Variants in GULP1 observed in about 807,000 individuals in gnomAD.
GULP1 encodes the protein GULP PTB domain containing engulfment adaptor 1, also known as PTB domain-containing engulfment adapter protein 1.
A neutral mutation model predicts 40.9 loss-of-function variants in GULP1; 19 were observed. The ratio of observed to expected loss-of-function variants is 0.46; its 90% CI spans 0.32 to 0.68. The LOEUF (loss-of-function observed/expected upper bound fraction) is 0.68. Ranked by LOEUF, GULP1 falls within the 30% of genes least tolerant of loss-of-function variation. GULP1 has a pLI of 0.03. For synonymous variants in GULP1, 119 were observed against 117.6 expected (o/e 1.01, Z -0.08); for missense variants, 312 against 362.2 (o/e 0.86, Z 1.12).
At chr2:188,410,952 G>A (rs1352491004) in intron 2 of GULP1, among the ~76,000 whole-genome samples, 1 of 152,154 alleles carries the variant, frequency 6.6e-6, no homozygotes, top group Non-Finnish European at 1.5e-5. Flanking sequence ...AGGGAGTTTA[G>A]CTAAATAGCT....
Position 188,541,336 on chromosome 2 carries a change from T to C in GULP1, c.399+18T>C. ...AAAAGTGTGTAAGTATCCCAGATGT[T>C]GTAGGGTGGTTTGTTCTGTTTTATA... On this transcript the variant is annotated intron_variant, in intron 7 of 11. Transcript: ENST00000409830. The C allele has an allele frequency of 1.9e-6, 3 of 1,609,096 alleles. No homozygotes were observed. Among genetic ancestry groups the C allele is most frequent in the Non-Finnish European group, 1.7e-6 (2 of 1,175,478 alleles).
Position 188,307,172 on chromosome 2 carries a change from A to G in GULP1, c.-172+15006A>G, listed in dbSNP as rs2037234844. Among the ~76,000 whole-genome samples, 3 of 152,284 alleles carry G rather than the reference A, an allele frequency of 2.0e-5. No homozygotes were observed. The East Asian group carries it at 5.8e-4, about 29-fold the overall frequency. On this transcript the variant is annotated intron_variant, in intron 1 of 11. Coordinates refer to ENST00000409830, the MANE Select transcript of GULP1 (RefSeq NM_016315.4). ...TATGATTCTTGGATTTTTATGTTTA[A>G]ATTTTACAGTATAATTATATGCTGT...
chr2:188,580,328 C>T (rs560003546), intron 9 of GULP1, among the ~76,000 whole-genome samples: 5 of 151,902 alleles, frequency 3.3e-5, no homozygotes, highest in Admixed American at 6.6e-5. Context: ...CCGAGGCGGG[C>T]GGATCACGAG....
chr2:188,320,225 C>T (rs2039767892), intron 1 of GULP1, among the ~76,000 whole-genome samples: 1 of 152,122 alleles, frequency 6.6e-6, no homozygotes, highest in South Asian at 2.1e-4. Flanking sequence ...TTATTAGCAT[C>T]TCTAAACTCA....
rs1300355403 is a variant in GULP1 at position 188,292,932 on chromosome 2, A to G, written c.-172+766A>G. 2 of 152,506 alleles carry G rather than the reference A, an allele frequency of 1.3e-5. No homozygotes were observed. Among genetic ancestry groups the G allele is most frequent in the East Asian group, 3.9e-4 (2 of 5,176 alleles). The allele number at this position is 152,506 out of a possible 1,614,324, so 9.4% of individuals were successfully genotyped here. The stretch of plus-strand genomic sequence containing the variant: ...CCACCTTCTCGTGGCCTCACTCGCC[A>G]CACGGATCAGAATCCGGAGCAGGCA... On this transcript the variant is annotated intron_variant, in intron 1 of 11. Coordinates refer to ENST00000409830, the MANE Select transcript of GULP1 (RefSeq NM_016315.4). The surrounding 1 kb of genome is among the most constrained non-coding windows in gnomAD (Gnocchi z 4.0).
intron 1 of GULP1, among the ~76,000 whole-genome samples, chr2:188,300,210 C>G (rs1395950097): frequency 1.3e-5 from 2 of 152,054 alleles, no homozygotes; most frequent in Non-Finnish European, 2.9e-5. Context: ...TTTTTAATCA[C>G]AGCATTAACT....
rs574527871 is a variant in GULP1 at position 188,336,470 on chromosome 2, C to G, written c.-172+44304C>G. Among the ~76,000 whole-genome samples the G allele has an allele frequency of 5.9e-5, 9 of 152,276 alleles. No homozygotes were observed. The South Asian group carries it at 1.9e-3, about 32-fold the overall frequency. On this transcript the variant is annotated intron_variant, in intron 1 of 11. Coordinates refer to ENST00000409830, the MANE Select transcript of GULP1 (RefSeq NM_016315.4). The stretch of plus-strand genomic sequence containing the variant: ...AAGATACAGCATCAAAAAGGACAGA[C>G]AAGATCCCTAATCTCACAGAGCTTT...
intron 2 of GULP1, among the ~76,000 whole-genome samples, chr2:188,429,547 A>G (rs990555459): frequency 1.3e-5 from 2 of 152,160 alleles, no homozygotes; most frequent in African/African-American, 4.8e-5. Context: ...CAGATGAGTT[A>G]GGAGTTAGGT....
At chr2:188,423,552 C>T (rs538150072) in intron 2 of GULP1, among the ~76,000 whole-genome samples, 1 of 151,586 alleles carries the variant, frequency 6.6e-6, no homozygotes, top group Non-Finnish European at 1.5e-5. Context: ...TCTTTTAAAA[C>T]GTACTCTTAG....
At chr2:188,567,162 A>G (rs1437748748) in intron 7 of GULP1, among the ~76,000 whole-genome samples, 1 of 152,154 alleles carries the variant, frequency 6.6e-6, no homozygotes, top group African/African-American at 2.4e-5. Context: ...GAGAAATATA[A>G]ATGTTTTTAC....
chr2:188,327,761 A>G (rs1005171161), intron 1 of GULP1, among the ~76,000 whole-genome samples: 16 of 152,084 alleles, frequency 1.1e-4, no homozygotes, highest in African/African-American at 3.6e-4. Flanking sequence ...GGATACATTT[A>G]TTTTGCACTT....
chr2:188,423,433 A>C (rs183750460), intron 2 of GULP1, among the ~76,000 whole-genome samples: 137 of 152,056 alleles, frequency 9.0e-4, no homozygotes, highest in Admixed American at 1.4e-3. Flanking sequence ...TCTTTTTGCT[A>C]CACAGTGCTG....
chr2:188,442,439 G>T (rs928971902), intron 2 of GULP1, among the ~76,000 whole-genome samples: 1 of 152,136 alleles, frequency 6.6e-6, no homozygotes, highest in Non-Finnish European at 1.5e-5. Context: ...TAACCAATTT[G>T]CTCTGTGAAT....
intron 6 of GULP1, among the ~76,000 whole-genome samples, chr2:188,533,201 T>G (rs150437102): frequency 6.6e-6 from 1 of 152,126 alleles, no homozygotes; most frequent in Non-Finnish European, 1.5e-5. Context: ...AAACTTTTTT[T>G]AAAAAATAGC....
intron 2 of GULP1, among the ~76,000 whole-genome samples, chr2:188,442,069 T>C (rs1412303606): frequency 1.3e-5 from 2 of 152,220 alleles, no homozygotes; most frequent in Non-Finnish European, 2.9e-5. Context: ...ATTATTCTTC[T>C]AACAATAATT....
intron 9 of GULP1, among the ~76,000 whole-genome samples, chr2:188,580,675 C>T (rs1304687756): frequency 2.0e-5 from 3 of 151,982 alleles, no homozygotes; most frequent in South Asian, 4.2e-4. Context: ...ACACTGAACC[C>T]TTCCCTCAAT....
At chr2:188,555,985 G>T (rs1694640537) in intron 7 of GULP1, among the ~76,000 whole-genome samples, 1 of 151,534 alleles carries the variant, frequency 6.6e-6, no homozygotes, top group Non-Finnish European at 1.5e-5. Context: ...TTGAACCCGG[G>T]AGACAGAGGT....
At chr2:188,387,064 C>A (rs949308282) in intron 2 of GULP1, among the ~76,000 whole-genome samples, 2 of 151,832 alleles carry the variant, frequency 1.3e-5, no homozygotes, top group African/African-American at 4.8e-5. Flanking sequence ...GATGAAACCC[C>A]GTCTCTACTA....
At chr2:188,500,726 G>T (rs1415033295) in intron 4 of GULP1, among the ~76,000 whole-genome samples, 1 of 151,800 alleles carries the variant, frequency 6.6e-6, no homozygotes, top group Non-Finnish European at 1.5e-5. Context: ...AACAAAACTT[G>T]GAGTCAAAAT....
Sources: allele counts gnomAD v4.1 joint callset (sites outside exome capture counted in the v4.1 genomes callset), GRCh38; gene constraint gnomAD v4.1.1; non-coding constraint Gnocchi (gnomAD v3.1); transcripts MANE v1.5; gene names NCBI Gene and HGNC (gene_info 2026-07-23, HGNC 2026-07-21).